The following SUGCT variants were observed in gnomAD, a reference collection of about 807,000 sequenced individuals.
The protein encoded by SUGCT is succinyl-CoA:glutarate CoA-transferase.
SUGCT carries 41 observed loss-of-function variants against 55.0 expected under a neutral mutation model. That is an observed-to-expected ratio of 0.74 (90% confidence interval 0.58 to 0.97). The LOEUF is 0.97. SUGCT is among the 50% of genes least tolerant of loss of function. The pLI is 0.00. For missense variants in SUGCT, 568 were observed against 547.8 expected (o/e 1.04, Z -0.37); for synonymous variants, 187 against 200.4 (o/e 0.93, Z 0.56).
chr7:40,469,993 C>T (rs1790321217), intron 11 of SUGCT, among the ~76,000 whole-genome samples: 1 of 152,242 alleles, frequency 6.6e-6, no homozygotes, highest in Non-Finnish European at 1.5e-5. Context: ...TTAACCCCTT[C>T]CTAAATGTGA....
At chr7:40,373,348 A>AGATTCTAGAAAATTTAGAATCTATG (rs1554325963) in intron 9 of SUGCT, among the ~76,000 whole-genome samples, 5 of 85,660 alleles carry the variant, frequency 5.8e-5, no homozygotes, top group Admixed American at 1.3e-4. Context: ...TAGAATCTAT[A>AGATTCTAGAAAATTTAGAATCTATG]GATTCTAGAA....
At chr7:40,145,519 T>C (rs961450856) in intron 1 of SUGCT, among the ~76,000 whole-genome samples, 9 of 152,162 alleles carry the variant, frequency 5.9e-5, no homozygotes, top group Non-Finnish European at 1.3e-4. Context: ...CTTTTTTTTT[T>C]TTTTCTCAAA....
At chr7:40,720,947 G>C (rs1055471101) in intron 12 of SUGCT, among the ~76,000 whole-genome samples, 1 of 152,040 alleles carries the variant, frequency 6.6e-6, no homozygotes, top group Non-Finnish European at 1.5e-5. Context: ...TATTTTTCCT[G>C]GTTTTATGAA....
intron 13 of SUGCT, among the ~76,000 whole-genome samples, chr7:40,795,681 G>T (rs1790518681): frequency 6.6e-6 from 1 of 152,008 alleles, no homozygotes; most frequent in African/African-American, 2.4e-5. Flanking sequence ...TTTCTAGTTG[G>T]CAAGGAGCAA....
chr7:40,885,715 G>A, the SUGCT span, among the ~76,000 whole-genome samples: 1 of 152,080 alleles, frequency 6.6e-6, no homozygotes, highest in Non-Finnish European at 1.5e-5. Flanking sequence ...TTCCTGAGAT[G>A]GGGTGAGACC....
At chr7:40,186,337 C>T (rs1785508191) in intron 3 of SUGCT, among the ~76,000 whole-genome samples, 1 of 151,406 alleles carries the variant, frequency 6.6e-6, no homozygotes, top group Non-Finnish European at 1.5e-5. Context: ...TGGCTCAGTG[C>T]AGCATTGACC....
In SUGCT at chr7:40,795,108, CT is replaced by C. The variant is rs201505988; in HGVS notation, c.1153+45613del. ...TGGGTTAAGCAAACTTACAGATTTC[CT>C]TCTTGAATAAATTGCATGATGTATA... On this transcript the variant is annotated intron_variant, in intron 13 of 13. Transcript: ENST00000335693. Among the ~76,000 whole-genome samples, 10 of 152,138 alleles carry C rather than the reference CT, an allele frequency of 6.6e-5. No homozygotes were observed. In the East Asian group the frequency reaches 1.9e-3, roughly 29 times the overall value.
chr7:40,292,960 A>C (rs534967211), intron 8 of SUGCT, among the ~76,000 whole-genome samples: 1 of 152,264 alleles, frequency 6.6e-6, no homozygotes, highest in East Asian at 1.9e-4. Context: ...AAAAAACCAT[A>C]TTGGTCACTT....
chr7:40,760,256 C>T (rs886779851), intron 13 of SUGCT, among the ~76,000 whole-genome samples: 1 of 152,120 alleles, frequency 6.6e-6, no homozygotes, highest in African/African-American at 2.4e-5. Context: ...AAACTGCAAA[C>T]AATGTTGTGT....
chr7:40,242,024 G>A (rs888202781), intron 7 of SUGCT, among the ~76,000 whole-genome samples: 1 of 151,784 alleles, frequency 6.6e-6, no homozygotes, highest in African/African-American at 2.4e-5. Flanking sequence ...CTGTGGTGTT[G>A]TCAGATTAGA....
chr7:40,445,913 C>T (rs892009580), intron 9 of SUGCT, among the ~76,000 whole-genome samples: 4 of 151,990 alleles, frequency 2.6e-5, no homozygotes, highest in Non-Finnish European at 5.9e-5. Flanking sequence ...GCTCAGTTGC[C>T]ATGAGTTCTT....
At chr7:40,892,525 G>A in the SUGCT span, among the ~76,000 whole-genome samples, 4 of 152,110 alleles carry the variant, frequency 2.6e-5, no homozygotes, top group African/African-American at 9.7e-5. Flanking sequence ...ATTACTTCTT[G>A]TTTAATTAAA....
the SUGCT span, among the ~76,000 whole-genome samples, chr7:40,950,534 C>G: frequency 6.6e-6 from 1 of 152,144 alleles, no homozygotes; most frequent in Non-Finnish European, 1.5e-5. Flanking sequence ...TGTCTTGTGC[C>G]AGTTTTCAAA....
At chr7:40,708,114 G>T (rs1450383859) in intron 12 of SUGCT, among the ~76,000 whole-genome samples, 1 of 152,160 alleles carries the variant, frequency 6.6e-6, no homozygotes, top group East Asian at 1.9e-4. Context: ...TACTTGCCAT[G>T]TCTCCACAGC....
At chr7:40,850,435 G>T (rs1793794107) in intron 13 of SUGCT, among the ~76,000 whole-genome samples, 1 of 152,200 alleles carries the variant, frequency 6.6e-6, no homozygotes, top group Non-Finnish European at 1.5e-5. Flanking sequence ...CATGTTAAAT[G>T]AGTGAAAGAA....
At chr7:40,621,311 G>A (rs1228488160) in intron 12 of SUGCT, among the ~76,000 whole-genome samples, 1 of 152,088 alleles carries the variant, frequency 6.6e-6, no homozygotes, top group Admixed American at 6.5e-5. Flanking sequence ...TTTCTTATGT[G>A]TGTTATTTTG....
At chr7:40,838,020 A>G (rs974000529) in intron 13 of SUGCT, among the ~76,000 whole-genome samples, 1 of 152,132 alleles carries the variant, frequency 6.6e-6, no homozygotes, top group African/African-American at 2.4e-5. Flanking sequence ...TCTTTCCTCT[A>G]TTTAATCGCC....
chr7:40,208,847 T>A (rs1787161401), intron 6 of SUGCT, among the ~76,000 whole-genome samples: 1 of 152,230 alleles, frequency 6.6e-6, no homozygotes, highest in Non-Finnish European at 1.5e-5. Flanking sequence ...ACCCGACTGA[T>A]TCTTACATGT....
intron 13 of SUGCT, among the ~76,000 whole-genome samples, chr7:40,763,076 C>T (rs1259663574): frequency 6.6e-6 from 1 of 152,070 alleles, no homozygotes; most frequent in East Asian, 1.9e-4. Flanking sequence ...CTCTGCCTCC[C>T]AAAGTGCTGG....
Sources: allele counts gnomAD v4.1 joint callset (sites outside exome capture counted in the v4.1 genomes callset), GRCh38; gene constraint gnomAD v4.1.1; transcripts MANE v1.5; gene names NCBI Gene and HGNC (gene_info 2026-07-23, HGNC 2026-07-21).